The following GRM7 variants were observed in gnomAD, a reference collection of about 807,000 sequenced individuals.
GRM7 encodes metabotropic glutamate receptor 7.
In GRM7, 35 loss-of-function variants were observed where a neutral mutation model predicts 84.5. The observed-to-expected ratio is 0.41, with a 90% CI of 0.32 to 0.55. The LOEUF is 0.55. GRM7 is among the 20% of genes least tolerant of loss of function. The pLI, the probability that GRM7 is intolerant of heterozygous loss-of-function variation, is 0.19. For missense variants in GRM7, 1,003 were observed against 1,194.6 expected (o/e 0.84, Z 2.36); for synonymous variants, 487 against 455.1 (o/e 1.07, Z -0.89).
intron 1 of GRM7, among the ~76,000 whole-genome samples, chr3:7,034,108 G>A (rs183230053): frequency 6.8e-4 from 103 of 152,262 alleles, no homozygotes; most frequent in Admixed American, 1.5e-3. Context: ...AATTGGTCAA[G>A]GGTAGGCTAA....
intron 8 of GRM7, among the ~76,000 whole-genome samples, chr3:7,582,973 C>T (rs1695334962): frequency 6.6e-6 from 1 of 152,166 alleles, no homozygotes. Flanking sequence ...ACTTTCTTCC[C>T]ATTTACAGAA....
chr3:7,430,751 T>G (rs892837663), intron 5 of GRM7, among the ~76,000 whole-genome samples: 5 of 152,228 alleles, frequency 3.3e-5, no homozygotes, highest in Non-Finnish European at 7.3e-5. Context: ...AAGCACTGAT[T>G]ATCTTTTCGA....
intron 7 of GRM7, among the ~76,000 whole-genome samples, chr3:7,471,101 C>G (rs1698682562): frequency 6.6e-6 from 1 of 151,588 alleles, no homozygotes; most frequent in African/African-American, 2.4e-5. Flanking sequence ...AGCAAAATAC[C>G]CACCTCATAA....
intron 1 of GRM7, among the ~76,000 whole-genome samples, chr3:7,085,344 G>T (rs1324674387): frequency 1.3e-5 from 2 of 152,042 alleles, no homozygotes; most frequent in African/African-American, 2.4e-5. Flanking sequence ...TCTATTTAAA[G>T]AATCAAAATG....
Position 7,729,869 on chromosome 3 carries a change from C to CTTTT in GRM7, c.2699-10468_2699-10465dup, listed in dbSNP as rs1168461157. Among the ~76,000 whole-genome samples, 166 of 69,950 alleles carry CTTTT rather than the reference C, an allele frequency of 2.4e-3. 1 individual carries two copies. Among genetic ancestry groups the CTTTT allele is most frequent in the African/African-American group, 3.3e-3 (55 of 16,434 alleles). 45.9% of individuals were successfully genotyped at this position (69,950 alleles called of 152,430 possible). The stretch of plus-strand genomic sequence containing the variant: ...TACAGGTGCATGCCACCACCTCCGG[C>CTTTT]TTTTTTTTTTTTTTTTTTTTTTTGA... On this transcript the variant is annotated intron_variant, in intron 9 of 9. Transcript: ENST00000357716.
intron 9 of GRM7, among the ~76,000 whole-genome samples, chr3:7,710,206 A>G (rs900105194): frequency 2.0e-5 from 3 of 152,172 alleles, no homozygotes; most frequent in African/African-American, 7.2e-5. Flanking sequence ...AGACTTACAT[A>G]TCTCTTCAAA....
chr3:7,085,688 A>G (rs1043390519), intron 1 of GRM7, among the ~76,000 whole-genome samples: 2 of 152,146 alleles, frequency 1.3e-5, no homozygotes, highest in Non-Finnish European at 2.9e-5. Flanking sequence ...CATGGTAGGT[A>G]ACTATCAAGT....
chr3:7,736,074 G>A lies in GRM7; in HGVS notation c.2699-4283G>A, dbSNP rs116873272. On this transcript the variant is annotated intron_variant, in intron 9 of 9. Coordinates refer to ENST00000357716, the MANE Select transcript of GRM7 (RefSeq NM_000844.4). The stretch of plus-strand genomic sequence containing the variant: ...ATTAGTTCATTTTTTCTTTTGTAAT[G>A]GTACAGGCATTAAATGCTATCTTAT... Among the ~76,000 whole-genome samples, 520 of 152,068 alleles carry A rather than the reference G, an allele frequency of 3.4e-3. 9 individuals carry two copies. In the East Asian group the frequency reaches 0.065, roughly 19 times the overall value.
rs138974004 is a variant in GRM7, at chr3:7,653,041, A to G, written c.2452-27008A>G. ...CCGCCTGGCTAACAATCTCACCGCC[A>G]CATCATTGCTCACATTTCCCCTTTG... On this transcript the variant is annotated intron_variant, in intron 8 of 9. Transcript: ENST00000357716. Among the ~76,000 whole-genome samples the G allele has an allele frequency of 9.8e-4, 149 of 152,130 alleles. 1 individual carries two copies. The highest frequency in any genetic ancestry group is 3.4e-3 in the Middle Eastern group (1 of 294).
intron 9 of GRM7, among the ~76,000 whole-genome samples, chr3:7,738,476 C>T (rs1306645661): frequency 6.6e-6 from 1 of 152,114 alleles, no homozygotes; most frequent in African/African-American, 2.4e-5. Context: ...TTTTTTTAAA[C>T]ATAACCTCAT....
At chr3:7,626,837 T>C (rs933698369) in intron 8 of GRM7, among the ~76,000 whole-genome samples, 1 of 151,708 alleles carries the variant, frequency 6.6e-6, no homozygotes, top group African/African-American at 2.4e-5. Flanking sequence ...ATTCAACCCA[T>C]AAAAAAGATC....
At chr3:7,432,622 G>A (rs1049867583) in intron 5 of GRM7, among the ~76,000 whole-genome samples, 10 of 145,742 alleles carry the variant, frequency 6.9e-5, no homozygotes, top group African/African-American at 1.0e-4. Flanking sequence ...ATGCCCAGCC[G>A]GGCATCTAGT....
intron 7 of GRM7, among the ~76,000 whole-genome samples, chr3:7,528,124 G>T (rs190627470): frequency 1.4e-4 from 21 of 152,040 alleles, no homozygotes; most frequent in African/African-American, 5.1e-4. Flanking sequence ...ACATCTGGTG[G>T]GATTCAGCTG....
intron 7 of GRM7, among the ~76,000 whole-genome samples, chr3:7,547,194 CTTTTT>C (rs55678792): frequency 2.6e-5 from 2 of 76,430 alleles, no homozygotes; most frequent in Admixed American, 1.6e-4. Flanking sequence ...AGAGTGAATT[CTTTTT>C]TTTTTTTTTT....
rs73019713 is a variant in GRM7 at position 6,927,467 on chromosome 3, A to G, written c.519+65560A>G. Among the ~76,000 whole-genome samples the G allele has an allele frequency of 2.4e-3, 101 of 41,692 alleles. 1 individual carries two copies. The highest frequency in any genetic ancestry group is 5.5e-3 in the South Asian group (5 of 902). The allele number at this position is 41,692 out of a possible 152,430, so 27.4% of individuals were successfully genotyped here. ...AAGAGAAGAAAGAAAGAGAGAGAGA[A>G]AGAAAGAAAGAAAGAAAGAAAGAAA... On this transcript the variant is annotated intron_variant, in intron 1 of 9. Coordinates refer to ENST00000357716, the MANE Select transcript of GRM7 (RefSeq NM_000844.4).
intron 6 of GRM7, among the ~76,000 whole-genome samples, chr3:7,455,373 C>T (rs1262776145): frequency 1.3e-5 from 2 of 152,114 alleles, no homozygotes; most frequent in East Asian, 3.9e-4. Context: ...GTACCTTTCA[C>T]CAAGATACAT....
chr3:7,251,204 G>A (rs150430316), intron 2 of GRM7, among the ~76,000 whole-genome samples: 1 of 152,192 alleles, frequency 6.6e-6, no homozygotes, highest in East Asian at 1.9e-4. Flanking sequence ...TGTAGCCATG[G>A]TTGATGCAGT....
At chr3:6,967,055 A>G (rs1396853250) in intron 1 of GRM7, among the ~76,000 whole-genome samples, 1 of 152,182 alleles carries the variant, frequency 6.6e-6, no homozygotes, top group Non-Finnish European at 1.5e-5. Context: ...TTGACTTTCA[A>G]ACTCCTGGCC....
At chr3:7,501,252 A>G (rs1351055648) in intron 7 of GRM7, among the ~76,000 whole-genome samples, 1 of 152,224 alleles carries the variant, frequency 6.6e-6, no homozygotes, top group East Asian at 1.9e-4. Flanking sequence ...GATGAAAATG[A>G]TTCAAATAAT....
Sources: allele counts gnomAD v4.1 joint callset (sites outside exome capture counted in the v4.1 genomes callset), GRCh38; gene constraint gnomAD v4.1.1; transcripts MANE v1.5; gene names NCBI Gene and HGNC (gene_info 2026-07-23, HGNC 2026-07-21).